Variants in LRRC9 observed in about 807,000 individuals in gnomAD.
LRRC9 encodes leucine-rich repeat-containing protein 9.
LRRC9 carries 122 observed loss-of-function variants against 63.2 expected under a neutral mutation model. That is an observed-to-expected ratio of 1.93 (90% CI 1.67 to 2.24). The LOEUF is 2.24. Among genes scored for constraint, LRRC9 ranks in the 30% most tolerant of loss-of-function variants. LRRC9 has a pLI of 0.00. For synonymous variants in LRRC9, 366 were observed against 213.1 expected, an observed-to-expected ratio of 1.72 and a Z score of -6.25; for missense variants, 1,071 against 627.7, an observed-to-expected ratio of 1.71 and a Z score of -7.55.
chr14:59,982,122 C>A, intron 16 of LRRC9, 62 bp downstream of exon 16: 1 of 651,858 alleles, frequency 1.5e-6, no homozygotes, highest in South Asian at 1.7e-5. Flanking sequence ...CAGAATCTAG[C>A]ATATGAAGTC....
chr14:60,016,671 G>A (rs1211491313), exon 24 of LRRC9: 1 of 699,208 alleles, frequency 1.4e-6, no homozygotes, highest in East Asian at 2.7e-5. Flanking sequence ...AACCATCAGA[G>A]ACTGACAGTG....
exon 24 of LRRC9, chr14:60,016,665 A>G (rs543792137): frequency 1.4e-6 from 1 of 698,276 alleles, no homozygotes; most frequent in Non-Finnish European, 2.6e-6. Context: ...TATAGGAACC[A>G]TCAGAGACTG....
intron 31 of LRRC9, among the ~76,000 whole-genome samples, chr14:60,061,105 T>G (rs2140472908): frequency 6.6e-6 from 1 of 152,358 alleles, no homozygotes; most frequent in South Asian, 2.1e-4. Context: ...CTGTGAACAC[T>G]GTTGAAATGA....
Position 59,964,665 on chromosome 14 carries a change from T to C in LRRC9, c.1212-1924T>C, listed in dbSNP as rs141889089. Among the ~76,000 whole-genome samples the C allele has an allele frequency of 5.9e-5, 9 of 152,286 alleles. No individual in the cohort carries two copies. The East Asian group carries it at 1.7e-3, about 29-fold the overall frequency. On this transcript the variant is annotated intron_variant, in intron 10 of 31. Transcript: ENST00000445360. This position sits in a 1 kb window ranked among gnomAD's most constrained non-coding sequence, Gnocchi z 4.4. ...CAGAAAGCTTCCAGGACATGTTACT[T>C]AGGGGAAATTTGACAGATTTAGGCC...
In LRRC9 at chr14:60,058,038, C is replaced by G. The variant is rs1245627891; in HGVS notation, c.4276+16C>G. 3 of 583,170 alleles carry G rather than the reference C, an allele frequency of 5.1e-6. No individual in the cohort carries two copies. The African/African-American group carries it at 5.4e-5, about 11-fold the overall frequency. The allele number at this position is 583,170 out of a possible 1,614,324, so 36.1% of individuals were successfully genotyped here. ...GAAGTTGAAGGTATTTTGACAATTT[C>G]AGATAGAATGTAAAAGAATCACTTA... On this transcript the variant is annotated intron_variant, in intron 31 of 31. Coordinates refer to ENST00000445360, the Ensembl canonical transcript of LRRC9. This position sits in a 1 kb window ranked among gnomAD's most constrained non-coding sequence, Gnocchi z 4.4.
intron 3 of LRRC9, among the ~76,000 whole-genome samples, chr14:59,928,929 A>G (rs982516873): frequency 1.2e-4 from 18 of 152,106 alleles, no homozygotes; most frequent in African/African-American, 4.3e-4. Flanking sequence ...TAAACTCAAG[A>G]TGAATTAAGG....
chr14:60,037,357 G>A (rs61993995), intron 29 of LRRC9, among the ~76,000 whole-genome samples: 12,091 of 152,240 alleles, frequency 0.079, 669 homozygotes, highest in Non-Finnish European at 0.12. Context: ...TTCCACAATG[G>A]TTGAACTAGT....
chr14:59,939,220 C>G (rs1467790264), intron 7 of LRRC9, among the ~76,000 whole-genome samples: 1 of 151,552 alleles, frequency 6.6e-6, no homozygotes, highest in Non-Finnish European at 1.5e-5. Flanking sequence ...TGGTAGTCTA[C>G]CAAGGATTAG....
chr14:59,957,868 TTCTTCTAACAGGCCCC>T (rs1360646662), intron 8 of LRRC9, among the ~76,000 whole-genome samples: 1 of 152,194 alleles, frequency 6.6e-6, no homozygotes, highest in Non-Finnish European at 1.5e-5. Context: ...TTGTTAGTTT[TTCTTCTAACAGGCCCC>T]TCTTCTGCAG....
rs1214542613 is a variant in LRRC9 at position 59,978,013 on chromosome 14, C to T, written c.1763-4C>T. The T allele has an allele frequency of 1.4e-6, 1 of 695,306 alleles. No individual in the cohort carries two copies. The highest frequency in any genetic ancestry group is 2.6e-6 in the Non-Finnish European group (1 of 380,618). 43.1% of individuals were successfully genotyped at this position (695,306 alleles called of 1,614,324 possible). On this transcript the variant is annotated splice_region_variant and splice_polypyrimidine_tract_variant and intron_variant, in intron 14 of 31. Transcript: ENST00000445360. ...TGCTTTGCTTGTTTTTGCTTTTACT[C>T]TAGATTCTGTCATGGGACAAAGAAA...
At chr14:59,944,607 A>T (rs1374898560) in exon 8 of LRRC9, 1 of 578,414 alleles carries the variant, frequency 1.7e-6, no homozygotes, top group Non-Finnish European at 3.0e-6. Context: ...AATGAAAAAA[A>T]TAATGTATTA....
At chr14:60,040,119 G>T (rs939394104) in intron 29 of LRRC9, among the ~76,000 whole-genome samples, 1 of 151,988 alleles carries the variant, frequency 6.6e-6, no homozygotes. Flanking sequence ...TTGCACTGTG[G>T]TCTGAGAGAC....
intron 27 of LRRC9, among the ~76,000 whole-genome samples, chr14:60,025,049 CGGTT>C (rs1566886564): frequency 6.7e-6 from 1 of 148,936 alleles, no homozygotes; most frequent in Non-Finnish European, 1.5e-5. Flanking sequence ...GTGTTTTTTT[CGGTT>C]GGTTTTTTGT....
chr14:60,038,466 T>G (rs1468316460), intron 29 of LRRC9, among the ~76,000 whole-genome samples: 3 of 152,214 alleles, frequency 2.0e-5, no homozygotes, highest in African/African-American at 7.2e-5. Context: ...TAGTTCTCCT[T>G]GAAGAGGGCC....
intron 7 of LRRC9, among the ~76,000 whole-genome samples, chr14:59,940,556 G>C (rs1881654753): frequency 6.6e-6 from 1 of 152,110 alleles, no homozygotes; most frequent in South Asian, 2.1e-4. Context: ...CAAATCAGAA[G>C]ACTTGGATTC....
chr14:60,053,420 C>CAT lies in LRRC9; in HGVS notation c.4131+222_4131+223dup, dbSNP rs1555389141. On this transcript the variant is annotated intron_variant, in intron 30 of 31. Coordinates refer to ENST00000445360, the Ensembl canonical transcript of LRRC9. The surrounding 1 kb of genome is among the most constrained non-coding windows in gnomAD (Gnocchi z 4.8). The stretch of plus-strand genomic sequence containing the variant: ...ACACACACACACACACACACACACA[C>CAT]ATATATATGTAAGTCAGGGAACATC... 1.5e-3 allele frequency among the ~76,000 whole-genome samples: 35 copies of CAT among 22,846 alleles called. No individual in the cohort carries two copies. The highest frequency in any genetic ancestry group is 0.012 in the Admixed American group (15 of 1,220). The allele number at this position is 22,846 out of a possible 152,430, so 15.0% of individuals were successfully genotyped here.
At chr14:59,984,934 T>G (rs185230032) in intron 16 of LRRC9, among the ~76,000 whole-genome samples, 171 bp from the exon 17 acceptor site, 1 of 152,326 alleles carries the variant, frequency 6.6e-6, no homozygotes, top group Admixed American at 6.5e-5. Flanking sequence ...CATCATAGAT[T>G]AGATTTTTTT....
intron 6 of LRRC9, among the ~76,000 whole-genome samples, chr14:59,933,474 T>C (rs1470956514): frequency 6.6e-6 from 1 of 152,200 alleles, no homozygotes; most frequent in Non-Finnish European, 1.5e-5. Context: ...GCATTTATAA[T>C]TTTGCCAGTG....
intron 8 of LRRC9, among the ~76,000 whole-genome samples, chr14:59,945,724 G>A (rs1202897700): frequency 6.6e-6 from 1 of 151,806 alleles, no homozygotes; most frequent in Non-Finnish European, 1.5e-5. Flanking sequence ...GTATAAAAAG[G>A]TGCTCATATG....
Sources: gnomAD v4.1 joint callset for allele counts (sites outside exome capture counted in the v4.1 genomes callset) on GRCh38, gnomAD v4.1.1 for gene constraint, Gnocchi (gnomAD v3.1) non-coding constraint, MANE v1.5 for transcripts, NCBI Gene and HGNC (gene_info 2026-07-23, HGNC 2026-07-21) for gene names.